The following CTNNA3 variants were observed in gnomAD, a reference collection of about 807,000 sequenced individuals.
The protein encoded by CTNNA3 is catenin alpha 3, also known as catenin alpha-3.
A neutral mutation model predicts 95.7 loss-of-function variants in CTNNA3; 76 were observed. The ratio of observed to expected loss-of-function variants is 0.79; its 90% CI spans 0.66 to 0.96. The LOEUF (loss-of-function observed/expected upper bound fraction) is 0.96. Among genes scored for constraint, CTNNA3 ranks in the 40% least tolerant of loss-of-function variants. The pLI, the probability that CTNNA3 is intolerant of heterozygous loss-of-function variation, is 0.00. For synonymous variants in CTNNA3, 431 were observed against 374.4 expected (o/e 1.15, Z -1.74); for missense variants, 1,191 against 1,089.8 (o/e 1.09, Z -1.31).
chr10:66,520,759 T>G lies in CTNNA3; in HGVS notation c.1389A>C (p.Ala463=). The change falls in exon 11 of 18, where the codon GCA becomes GCC. Residue 463 remains alanine (A), a synonymous_variant. Coordinates refer to ENST00000433211, the MANE Select transcript of CTNNA3 (RefSeq NM_013266.4). The stretch of plus-strand genomic sequence containing the variant: ...TTTTGGGTCTTGCAGCCAAAGCAAG[T>G]GCAGCATTAATAATCTATAAAGATA... ...ETLCPQIINA[A]LALAARPKSQ... 2 of 1,612,704 alleles carry G rather than the reference T, an allele frequency of 1.2e-6. No homozygotes were observed. The highest frequency in any genetic ancestry group is 1.7e-6 in the Non-Finnish European group (2 of 1,179,282).
chr10:66,675,976 G>T (rs988935458), intron 9 of CTNNA3, among the ~76,000 whole-genome samples: 1 of 152,026 alleles, frequency 6.6e-6, no homozygotes, highest in Non-Finnish European at 1.5e-5. Flanking sequence ...GAGGTGCAAG[G>T]TCTCAGAGCT....
chr10:67,333,222 C>T (rs1168347139), intron 5 of CTNNA3, among the ~76,000 whole-genome samples: 3 of 152,094 alleles, frequency 2.0e-5, no homozygotes, highest in Non-Finnish European at 4.4e-5. Flanking sequence ...TGCACTAGGT[C>T]ATCATAAGCT....
intron 10 of CTNNA3, among the ~76,000 whole-genome samples, chr10:66,588,247 C>T (rs1843427766): frequency 6.6e-6 from 1 of 152,104 alleles, no homozygotes; most frequent in Non-Finnish European, 1.5e-5. Context: ...CAGTCTCTCC[C>T]CCTCTCACAC....
intron 13 of CTNNA3, among the ~76,000 whole-genome samples, chr10:66,108,014 C>T (rs528646294): frequency 1.3e-5 from 2 of 151,872 alleles, no homozygotes; most frequent in East Asian, 1.9e-4. Flanking sequence ...GGAGTGGTCT[C>T]GCACTCAGAG....
chr10:67,053,176 T>C (rs1003667823), intron 7 of CTNNA3, among the ~76,000 whole-genome samples: 10 of 152,176 alleles, frequency 6.6e-5, no homozygotes, highest in Admixed American at 5.2e-4. Context: ...TTTAGAATAT[T>C]AAGGTTTGGT....
chr10:66,141,423 CAA>C (rs1027297170), intron 13 of CTNNA3, among the ~76,000 whole-genome samples: 232 of 151,920 alleles, frequency 1.5e-3, no homozygotes, highest in African/African-American at 5.4e-3. Context: ...CAAAAAAAAG[CAA>C]AGAGATGACT....
chr10:66,443,364 G>A (rs1010069893), intron 11 of CTNNA3, among the ~76,000 whole-genome samples: 2 of 152,190 alleles, frequency 1.3e-5, no homozygotes, highest in African/African-American at 4.8e-5. Context: ...GCCTCCTTAA[G>A]TGGGTGTCTG....
At chr10:67,654,439 C>T (rs1839963490) in intron 1 of CTNNA3, among the ~76,000 whole-genome samples, 1 of 151,964 alleles carries the variant, frequency 6.6e-6, no homozygotes, top group Non-Finnish European at 1.5e-5. Flanking sequence ...CCTCAATATG[C>T]CAAGATATAT....
At chr10:67,231,437 T>C (rs2132299942) in intron 5 of CTNNA3, among the ~76,000 whole-genome samples, 1 of 152,196 alleles carries the variant, frequency 6.6e-6, no homozygotes, top group Admixed American at 6.5e-5. Flanking sequence ...CAGGGCCGGG[T>C]ACTCCAACAG....
At chr10:67,330,729 C>A (rs1841752607) in intron 5 of CTNNA3, among the ~76,000 whole-genome samples, 1 of 151,960 alleles carries the variant, frequency 6.6e-6, no homozygotes. Flanking sequence ...TTATTCATAC[C>A]ACATTAATAA....
In CTNNA3 at chr10:67,180,496, T is replaced by C; in HGVS notation, c.868A>G (p.Thr290Ala). 6.2e-7 allele frequency: 1 copy of C among 1,613,586 alleles called. No homozygotes were observed. Among genetic ancestry groups the C allele is most frequent in the Middle Eastern group, 1.7e-4 (1 of 6,056 alleles). ...LENLIVLNPL[T>A]VTEEEIRPSL... Reference sequence around the variant, plus strand: ...GGTCGTATTTCCTCCTCAGTTACTGTGAGTGGATTCAGGACAATTAAATTC... The same window carrying C: ...GGTCGTATTTCCTCCTCAGTTACTGCGAGTGGATTCAGGACAATTAAATTC... The change falls in exon 7 of 18, where the codon ACA (threonine) becomes GCA (alanine). Residue 290 changes from threonine (T) to alanine (A), a missense_variant. Coordinates refer to ENST00000433211, the MANE Select transcript of CTNNA3 (RefSeq NM_013266.4).
intron 5 of CTNNA3, among the ~76,000 whole-genome samples, chr10:67,378,622 T>A (rs1000770796): frequency 2.0e-5 from 3 of 152,186 alleles, no homozygotes; most frequent in African/African-American, 7.2e-5. Context: ...GTTTGGAAAG[T>A]CCCTCATCCA....
intron 7 of CTNNA3, among the ~76,000 whole-genome samples, chr10:67,091,998 A>C (rs2131912538): frequency 6.6e-6 from 1 of 151,916 alleles, no homozygotes; most frequent in Non-Finnish European, 1.5e-5. Flanking sequence ...TCAACTGAAA[A>C]CCCCTTAAGT....
intron 5 of CTNNA3, among the ~76,000 whole-genome samples, chr10:67,242,425 T>G (rs1266680503): frequency 6.6e-6 from 1 of 152,212 alleles, no homozygotes; most frequent in East Asian, 1.9e-4. Flanking sequence ...TTCAAATAGC[T>G]TGAAATGCCT....
At chr10:67,219,145 A>C (rs911892971) in intron 6 of CTNNA3, among the ~76,000 whole-genome samples, 13 of 152,122 alleles carry the variant, frequency 8.5e-5, no homozygotes, top group African/African-American at 2.9e-4. Flanking sequence ...GCATTATCTC[A>C]CCTTCTCAGT....
intron 12 of CTNNA3, among the ~76,000 whole-genome samples, chr10:66,309,715 G>A (rs1430419686): frequency 1.6e-5 from 2 of 128,158 alleles, no homozygotes; most frequent in African/African-American, 5.4e-5. Context: ...AAAAAAAAGG[G>A]TTAGATTCCA....
chr10:67,567,699 C>T (rs1272821508), intron 3 of CTNNA3, among the ~76,000 whole-genome samples: 1 of 152,008 alleles, frequency 6.6e-6, no homozygotes, highest in Admixed American at 6.6e-5. Flanking sequence ...CAAACAGATA[C>T]CACGGGCTTC....
chr10:66,331,558 T>G (rs1452962430), intron 12 of CTNNA3, among the ~76,000 whole-genome samples: 1 of 151,652 alleles, frequency 6.6e-6, no homozygotes, highest in Non-Finnish European at 1.5e-5. Flanking sequence ...TTCACCATGT[T>G]AGCCAGGACC....
chr10:66,583,100 C>A (rs11817718), intron 10 of CTNNA3, among the ~76,000 whole-genome samples: 4,734 of 151,228 alleles, frequency 0.031, 236 homozygotes, highest in African/African-American at 0.11. Context: ...GTAGTTTTCT[C>A]TTTTTTGTTA....
Sources: allele counts gnomAD v4.1 joint callset (sites outside exome capture counted in the v4.1 genomes callset), GRCh38; gene constraint gnomAD v4.1.1; transcripts MANE v1.5; gene names NCBI Gene and HGNC (gene_info 2026-07-23, HGNC 2026-07-21).